The following COLGALT1 variants were observed in gnomAD, a reference collection of about 807,000 sequenced individuals.
COLGALT1 encodes the protein procollagen galactosyltransferase 1.
In COLGALT1, 43 loss-of-function variants were observed where a neutral mutation model predicts 60.8. The ratio of observed to expected loss-of-function variants is 0.71; its 90% CI spans 0.55 to 0.91. The LOEUF (loss-of-function observed/expected upper bound fraction) is 0.91. Ranked by LOEUF, COLGALT1 falls within the 40% of genes least tolerant of loss-of-function variation. The probability of loss-of-function intolerance (pLI) is 0.00; values close to 1 mark genes in which losing one functional copy is unlikely to be tolerated. For missense variants in COLGALT1, 845 were observed against 880.0 expected, an observed-to-expected ratio of 0.96 and a Z score of 0.50; for synonymous variants, 369 against 374.2, an observed-to-expected ratio of 0.99 and a Z score of 0.16.
chr19:17,565,458 C>T (rs977782229), intron 3 of COLGALT1, among the ~76,000 whole-genome samples: 1 of 152,170 alleles, frequency 6.6e-6, no homozygotes, highest in African/African-American at 2.4e-5. Context: ...TGAGCCACTG[C>T]ACCCGGCCTG....
chr19:17,569,891 CTTTTTT>C (rs71162156), intron 5 of COLGALT1, among the ~76,000 whole-genome samples: 8 of 98,740 alleles, frequency 8.1e-5, no homozygotes, highest in Non-Finnish European at 1.3e-4. Flanking sequence ...CCACTAATTA[CTTTTTT>C]TTTTTTTTTT....
intron 6 of COLGALT1, among the ~76,000 whole-genome samples, chr19:17,573,080 C>T (rs2076322270): frequency 6.6e-6 from 1 of 152,016 alleles, no homozygotes; most frequent in Admixed American, 6.6e-5. Flanking sequence ...ACTGAGAGGA[C>T]AGCAAGTTTT....
chr19:17,574,221 T>C (rs938134671), intron 6 of COLGALT1, among the ~76,000 whole-genome samples: 1 of 152,160 alleles, frequency 6.6e-6, no homozygotes, highest in Non-Finnish European at 1.5e-5. Flanking sequence ...GTGAGGCCTC[T>C]GTCCCGGGGC....
chr19:17,581,563 G>A lies in COLGALT1; in HGVS notation c.*119G>A. The A allele has an allele frequency of 4.5e-6, 6 of 1,329,262 alleles. No homozygotes were observed. The highest frequency in any genetic ancestry group is 5.0e-5 in the East Asian group (2 of 39,832). 82.3% of individuals were successfully genotyped at this position (1,329,262 alleles called of 1,614,324 possible). ...GCCACAGAGGGCTCTCGTGTGGGGTGGTGTCCAGCCAGCTCTTGCTAAGCA... is the reference window on the plus strand; with the variant it reads ...GCCACAGAGGGCTCTCGTGTGGGGTAGTGTCCAGCCAGCTCTTGCTAAGCA... On this transcript the variant is annotated 3_prime_UTR_variant, in exon 12 of 12. Transcript: ENST00000252599.
Position 17,555,826 on chromosome 19 carries a change from TCC to T in COLGALT1, c.116_117del (p.Pro39ArgfsTer57). 7.7e-7 allele frequency: 1 copy of T among 1,299,056 alleles called. No individual in the cohort carries two copies. Among genetic ancestry groups the T allele is most frequent in the South Asian group, 2.2e-5 (1 of 46,360 alleles). 80.5% of individuals were successfully genotyped at this position (1,299,056 alleles called of 1,614,324 possible). On this transcript the variant is annotated frameshift_variant, in exon 1 of 12. Transcript: ENST00000252599. LOFTEE classifies it high-confidence loss of function. ...GCCCCGCCGGGCGCCGACGCCTACT[TCC>T]CCGAGGAGCGCTGGAGCCCGGAGTC... is the stretch of plus-strand genomic sequence containing the variant.
At chr19:17,565,280 C>T (rs145503667) in intron 3 of COLGALT1, among the ~76,000 whole-genome samples, 7 of 152,038 alleles carry the variant, frequency 4.6e-5, no homozygotes, top group South Asian at 2.1e-4. Flanking sequence ...GTTAGTCTCC[C>T]GAGTAGCTGA....
intron 6 of COLGALT1, 191 bp from the exon 7 acceptor site, chr19:17,577,004 T>TGGGGGCGGGGCGGAGC (rs1599793355): frequency 3.3e-6 from 1 of 303,302 alleles, no homozygotes; most frequent in African/African-American, 3.0e-5. Flanking sequence ...GGCCAGGGCT[T>TGGGGGCGGGGCGGAGC]TGGGCTGCTG....
intron 9 of COLGALT1, among the ~76,000 whole-genome samples, chr19:17,578,648 A>G (rs2076359761): frequency 6.6e-6 from 1 of 152,218 alleles, no homozygotes; most frequent in African/African-American, 2.4e-5. Context: ...CCAGGAGTTA[A>G]GGCTGCAGTC....
At chr19:17,571,325 A>C (rs1181741451) in intron 5 of COLGALT1, among the ~76,000 whole-genome samples, 1 of 150,470 alleles carries the variant, frequency 6.6e-6, no homozygotes, top group African/African-American at 2.4e-5. Context: ...GCTGAGGCAC[A>C]AGAATTGTTT....
chr19:17,581,475 T>C lies in COLGALT1; in HGVS notation c.*31T>C. 2 of 1,590,852 alleles carry C rather than the reference T, an allele frequency of 1.3e-6. No individual in the cohort carries two copies. Among genetic ancestry groups the C allele is most frequent in the Non-Finnish European group, 1.7e-6 (2 of 1,172,430 alleles). On this transcript the variant is annotated 3_prime_UTR_variant, in exon 12 of 12. Coordinates refer to ENST00000252599, the MANE Select transcript of COLGALT1 (RefSeq NM_024656.4). ...AGCAGCCAGAAAGCCAAAGCAGCCA[T>C]CGGTGGCCCAGGCTCCACGTGCTTA...
At position 17,581,386 on chromosome 19, in the gene COLGALT1, C is replaced by G. The variant is rs775620377; in HGVS notation, c.1811C>G (p.Ala604Gly). Residue 604 changes from alanine to glycine, a missense_variant, in exon 12 of 12, where the codon GCC becomes GGC. Transcript: ENST00000252599. ...MREQQALSRE[A>G]KNSDVLQSPL... The stretch of plus-strand genomic sequence containing the variant: ...GAGCAGCAGGCACTGAGCCGTGAGG[C>G]CAAGAACTCGGACGTGCTCCAGTCC... 6.2e-7 allele frequency: 1 copy of G among 1,612,814 alleles called. No homozygotes were observed. The highest frequency in any genetic ancestry group is 8.5e-7 in the Non-Finnish European group (1 of 1,179,974).
At chr19:17,564,660 A>G (rs1038337267) in intron 3 of COLGALT1, among the ~76,000 whole-genome samples, 4 of 151,814 alleles carry the variant, frequency 2.6e-5, no homozygotes, top group African/African-American at 9.7e-5. Context: ...TCAAGTGATC[A>G]CCTGCCTCAG....
At chr19:17,562,878 A>G (rs140335055) in intron 3 of COLGALT1, among the ~76,000 whole-genome samples, 2 of 152,238 alleles carry the variant, frequency 1.3e-5, no homozygotes, top group Admixed American at 1.3e-4. Context: ...GGGAGGACGG[A>G]TGGAGCTCCT....
chr19:17,577,826 C>T (rs1226297996), intron 8 of COLGALT1, 131 bp from the exon 9 acceptor site: 1 of 1,262,822 alleles, frequency 7.9e-7, no homozygotes, highest in Non-Finnish European at 1.1e-6. Flanking sequence ...CCCCATGTGC[C>T]CGGAAGGGGT....
intron 5 of COLGALT1, among the ~76,000 whole-genome samples, chr19:17,571,545 C>T (rs2076312719): frequency 6.6e-6 from 1 of 151,608 alleles, no homozygotes; most frequent in African/African-American, 2.4e-5. Flanking sequence ...GAAACCCCAC[C>T]TCTACTAAAA....
intron 5 of COLGALT1, among the ~76,000 whole-genome samples, chr19:17,570,830 GC>G (rs1477548942): frequency 6.6e-6 from 1 of 152,094 alleles, no homozygotes; most frequent in Admixed American, 6.6e-5. Context: ...CTCACAAAAT[GC>G]TGGGATTACG....
At position 17,581,993 on chromosome 19, in the gene COLGALT1, G is replaced by T. The variant is rs1457460929; in HGVS notation, c.*549G>T. ...GTGGTGTGACGGCTCACTGCAGCCT[G>T]CGCCTCCCAGCGTCCAGCAATTCTT... On this transcript the variant is annotated 3_prime_UTR_variant, in exon 12 of 12. Coordinates refer to ENST00000252599, the MANE Select transcript of COLGALT1 (RefSeq NM_024656.4). 2 of 153,010 alleles carry T rather than the reference G, an allele frequency of 1.3e-5. No individual in the cohort carries two copies. The highest frequency in any genetic ancestry group is 2.9e-5 in the Non-Finnish European group (2 of 69,994). 9.5% of individuals were successfully genotyped at this position (153,010 alleles called of 1,614,324 possible). A position where few individuals can be genotyped will look rare whatever the true frequency, so the allele number is the denominator to read the frequency against.
At chr19:17,576,261 A>G (rs962434593) in intron 6 of COLGALT1, among the ~76,000 whole-genome samples, 12 of 152,146 alleles carry the variant, frequency 7.9e-5, no homozygotes, top group African/African-American at 2.7e-4. Flanking sequence ...GTGCAAGTCC[A>G]GGTGCTGCTG....
intron 1 of COLGALT1, chr19:17,556,428 G>T: frequency 2.1e-6 from 1 of 474,180 alleles, no homozygotes; most frequent in Non-Finnish European, 2.8e-6. Context: ...TTCTGTGCCG[G>T]CTGCTGCCCT....
Sources: allele counts gnomAD v4.1 joint callset (sites outside exome capture counted in the v4.1 genomes callset), GRCh38; gene constraint gnomAD v4.1.1; transcripts MANE v1.5; gene names NCBI Gene and HGNC (gene_info 2026-07-23, HGNC 2026-07-21).